MTMR3: variants seen among roughly 807,000 people sequenced by gnomAD.
The protein encoded by MTMR3 is phosphatidylinositol-3,5-bisphosphate 3-phosphatase MTMR3.
Under a neutral mutation model 132.4 loss-of-function variants are expected in MTMR3, and 32 were observed. The observed-to-expected ratio is 0.24, with a 90% confidence interval of 0.18 to 0.32. MTMR3 has a LOEUF of 0.32. Ranked by LOEUF, MTMR3 falls within the 10% of genes least tolerant of loss-of-function variation. The probability of loss-of-function intolerance (pLI) is 1.00; values close to 1 mark genes in which losing one functional copy is unlikely to be tolerated. For synonymous variants in MTMR3, 556 were observed against 550.3 expected, an observed-to-expected ratio of 1.01 and a Z score of -0.14; for missense variants, 1,216 against 1,489.6, an observed-to-expected ratio of 0.82 and a Z score of 3.02.
At chr22:29,909,118 A>G (rs2065158609) in intron 1 of MTMR3, among the ~76,000 whole-genome samples, 1 of 151,416 alleles carries the variant, frequency 6.6e-6, no homozygotes, top group Non-Finnish European at 1.5e-5. Flanking sequence ...AGCCTCCACC[A>G]TGCTCAGCTG....
At chr22:30,005,884 T>C (rs2067264113) in intron 9 of MTMR3, 1 of 152,216 alleles carries the variant, frequency 6.6e-6, no homozygotes, top group Non-Finnish European at 1.5e-5. Context: ...CAGTTTTATA[T>C]AGAAACATAC....
At chr22:29,964,909 A>C (rs1359074454) in intron 2 of MTMR3, among the ~76,000 whole-genome samples, 1 of 151,870 alleles carries the variant, frequency 6.6e-6, no homozygotes, top group Non-Finnish European at 1.5e-5. Flanking sequence ...AAGTTGTGCC[A>C]CTCTTCTTTC....
At chr22:30,011,943 T>C (rs2067440410) in intron 12 of MTMR3, 1 of 157,640 alleles carries the variant, frequency 6.3e-6, no homozygotes, top group African/African-American at 2.4e-5. Flanking sequence ...TTCTTTTCTT[T>C]TCTTTTTTTT....
At chr22:29,932,911 G>A (rs568893134) in intron 1 of MTMR3, among the ~76,000 whole-genome samples, 25 of 151,926 alleles carry the variant, frequency 1.6e-4, no homozygotes, top group Non-Finnish European at 2.6e-4. Flanking sequence ...GAGTAAGTTG[G>A]AAGCACTGTG....
At chr22:29,939,354 AG>A (rs747458636) in intron 1 of MTMR3, among the ~76,000 whole-genome samples, 9 of 152,202 alleles carry the variant, frequency 5.9e-5, no homozygotes, top group African/African-American at 2.2e-4. Flanking sequence ...ACTTTGTTGG[AG>A]CTGATAGTTT....
At chr22:29,991,397 G>T in intron 6 of MTMR3, 107 bp from the exon 7 acceptor site, 1 of 1,105,456 alleles carries the variant, frequency 9.0e-7, no homozygotes. Context: ...TTTCTTGGTT[G>T]TAGTTCCCAC....
chr22:30,030,573 T>C lies in MTMR3; in HGVS notation c.*4772T>C, dbSNP rs1451484540. The C allele has an allele frequency of 7.3e-6, 1 of 137,678 alleles. No homozygotes were observed. The highest frequency in any genetic ancestry group is 1.5e-5 in the Non-Finnish European group (1 of 66,284). 8.5% of individuals were successfully genotyped at this position (137,678 alleles called of 1,614,324 possible). On this transcript the variant is annotated 3_prime_UTR_variant, in exon 20 of 20. Coordinates refer to ENST00000401950, the MANE Select transcript of MTMR3 (RefSeq NM_021090.4). ...CTCCTGCCAGTGCTATAATCCAGTG[T>C]CGTAGGTGCAGGGTATGAATCAGCT...
intron 1 of MTMR3, among the ~76,000 whole-genome samples, chr22:29,946,970 A>G (rs1029367936): frequency 2.6e-5 from 4 of 152,192 alleles, no homozygotes; most frequent in Admixed American, 1.3e-4. Flanking sequence ...AAAAATAACT[A>G]TATGCTTTAG....
chr22:29,888,768 CTTTT>C (rs3049983), intron 1 of MTMR3, among the ~76,000 whole-genome samples: 29,456 of 101,674 alleles, frequency 0.29, 3,091 homozygotes, highest in East Asian at 0.53. Flanking sequence ...TTAGTTAATA[CTTTT>C]TTTTTTTTTT....
intron 1 of MTMR3, among the ~76,000 whole-genome samples, chr22:29,897,172 G>C (rs1264332103): frequency 6.6e-6 from 1 of 151,458 alleles, no homozygotes; most frequent in East Asian, 1.9e-4. Flanking sequence ...CTGCCTCCTG[G>C]GTTCAAGCGA....
At chr22:29,933,909 C>A (rs1240357450) in intron 1 of MTMR3, among the ~76,000 whole-genome samples, 1 of 152,024 alleles carries the variant, frequency 6.6e-6, no homozygotes, top group African/African-American at 2.4e-5. Flanking sequence ...TACCACCTCT[C>A]AATGAGATGA....
intron 1 of MTMR3, among the ~76,000 whole-genome samples, chr22:29,901,954 AGTTCATTTGGGTTGTTTCCAGTTTTTGG>A (rs1408423694): frequency 6.6e-6 from 1 of 152,198 alleles, no homozygotes; most frequent in Non-Finnish European, 1.5e-5. Flanking sequence ...TTCATTCCCC[AGTTCATTTGGGTTGTTTCCAGTTTTTGG>A]TAATTACAAA....
At chr22:29,967,246 C>CGCGT (rs2066445367) in intron 2 of MTMR3, among the ~76,000 whole-genome samples, 1 of 149,662 alleles carries the variant, frequency 6.7e-6, no homozygotes, top group Non-Finnish European at 1.5e-5. Flanking sequence ...TGCGCGCGCG[C>CGCGT]GCGCATGTTT....
chr22:29,950,360 T>A (rs1422826142), intron 1 of MTMR3, among the ~76,000 whole-genome samples: 2 of 132,800 alleles, frequency 1.5e-5, no homozygotes, highest in Admixed American at 7.5e-5. Flanking sequence ...TTTTTATTTT[T>A]TTATTTATTT....
At chr22:29,988,358 T>C (rs545811727) in intron 5 of MTMR3, 122 bp from the exon 6 acceptor site, 1 of 566,932 alleles carries the variant, frequency 1.8e-6, no homozygotes, top group East Asian at 2.9e-5. Context: ...CAGATAAGTT[T>C]GCAGTTCTAT....
chr22:29,984,692 A>G (rs1023674370), intron 5 of MTMR3: 1 of 152,240 alleles, frequency 6.6e-6, no homozygotes, highest in Non-Finnish European at 1.5e-5. Context: ...GCTACAAGAC[A>G]TTGAATCAGT....
chr22:29,970,702 G>A (rs141919238), intron 2 of MTMR3, among the ~76,000 whole-genome samples: 4 of 151,716 alleles, frequency 2.6e-5, no homozygotes, highest in African/African-American at 7.3e-5. Context: ...GTTTTACTAC[G>A]AACATTAGGA....
chr22:29,891,334 T>A (rs2064795186), intron 1 of MTMR3, among the ~76,000 whole-genome samples: 1 of 150,414 alleles, frequency 6.6e-6, no homozygotes, highest in South Asian at 2.1e-4. Context: ...TATGTGTGTG[T>A]GTGTATATAT....
intron 19 of MTMR3, 32 bp downstream of exon 19, chr22:30,022,729 G>C: frequency 6.3e-7 from 1 of 1,577,338 alleles, no homozygotes; most frequent in Admixed American, 1.7e-5. Flanking sequence ...AGGGTGGGCT[G>C]TGTGTGGAGG....
Sources: allele counts gnomAD v4.1 joint callset (sites outside exome capture counted in the v4.1 genomes callset), GRCh38; gene constraint gnomAD v4.1.1; transcripts MANE v1.5; gene names NCBI Gene and HGNC (gene_info 2026-07-23, HGNC 2026-07-21).